PYROXD2: variants seen among roughly 807,000 people sequenced by gnomAD.
PYROXD2 encodes pyridine nucleotide-disulphide oxidoreductase domain 2.
In PYROXD2, 69 loss-of-function variants were observed where a neutral mutation model predicts 71.1. The ratio of observed to expected loss-of-function variants is 0.97; its 90% CI spans 0.80 to 1.19. The LOEUF is 1.19. PYROXD2 is among the 50% of genes most tolerant of loss of function. The probability of loss-of-function intolerance (pLI) is 0.00; values close to 1 mark genes in which losing one functional copy is unlikely to be tolerated. For synonymous variants in PYROXD2, 287 were observed against 302.7 expected, an observed-to-expected ratio of 0.95 and a Z score of 0.54; for missense variants, 745 against 748.9, an observed-to-expected ratio of 0.99 and a Z score of 0.06.
At chr10:98,407,060 T>A (rs1183755998) in intron 4 of PYROXD2, among the ~76,000 whole-genome samples, 1 of 84,446 alleles carries the variant, frequency 1.2e-5, no homozygotes, top group African/African-American at 4.7e-5. Flanking sequence ...TGAAGGAAGG[T>A]GAAAGGGTGG....
Position 98,388,501 on chromosome 10 carries a change from T to TCA in PYROXD2, c.1298_1299dup (p.Ile434Ter). 6.2e-7 allele frequency: 1 copy of TCA among 1,603,894 alleles called. No homozygotes were observed. The highest frequency in any genetic ancestry group is 8.5e-7 in the Non-Finnish European group (1 of 1,175,796). On this transcript the variant is annotated frameshift_variant, in exon 13 of 16. Transcript: ENST00000370575. LOFTEE classifies it high-confidence loss of function. ...AGCGAGGAAGGGATGCAGAGCTCAA[T>TCA]CACAGGCCTGTGCGGGCAGGGAGGA...
chr10:98,405,812 G>A (rs890074963), intron 4 of PYROXD2, among the ~76,000 whole-genome samples: 1 of 152,218 alleles, frequency 6.6e-6, no homozygotes, highest in African/African-American at 2.4e-5. Context: ...TCAAGAACAA[G>A]GAGTAGGAGA....
chr10:98,400,331 G>A, intron 4 of PYROXD2, 74 bp from the exon 5 acceptor site: 2 of 1,442,566 alleles, frequency 1.4e-6, no homozygotes, highest in Non-Finnish European at 1.9e-6. Context: ...CTCCGATTGT[G>A]TTTGTGTGAC....
intron 1 of PYROXD2, chr10:98,414,740 C>G (rs1590988834): frequency 2.3e-6 from 1 of 428,500 alleles, no homozygotes; most frequent in East Asian, 3.9e-5. Context: ...ACCTAGTCTT[C>G]CTGTCATTCT....
rs145679908 is a variant in PYROXD2, at chr10:98,391,050, G to A, written c.1095C>T (p.Ile365=). Residue 365 remains isoleucine, a synonymous_variant, in exon 11 of 16, where the codon ATC becomes ATT. Coordinates refer to ENST00000370575, the MANE Select transcript of PYROXD2 (RefSeq NM_032709.3). ...CAGGCGACCGGGTGTCCAGCTGAGA[G>A]ATTCTCTCCAGGAACTCCTCAGGAA... ...EWLPEEFLER[I]SQLDTRSPVT... 6.1e-5 allele frequency: 99 copies of A among 1,613,254 alleles called. No homozygotes were observed. The highest frequency in any genetic ancestry group is 5.3e-5 in the Non-Finnish European group (63 of 1,179,460).
At chr10:98,405,036 C>T (rs1457167635) in intron 4 of PYROXD2, among the ~76,000 whole-genome samples, 1 of 152,132 alleles carries the variant, frequency 6.6e-6, no homozygotes, top group East Asian at 1.9e-4. Flanking sequence ...GCAGTGAGGT[C>T]AAGGCTGGCC....
chr10:98,387,357 G>T, intron 13 of PYROXD2, 50 bp from the exon 14 acceptor site: 4 of 1,359,624 alleles, frequency 2.9e-6, no homozygotes, highest in Non-Finnish European at 4.2e-6. Flanking sequence ...AGAAGAGGAG[G>T]CACTATGGGT....
intron 4 of PYROXD2, among the ~76,000 whole-genome samples, chr10:98,400,533 T>TGCCAC (rs1296204216): frequency 1.3e-5 from 2 of 151,942 alleles, no homozygotes; most frequent in Non-Finnish European, 2.9e-5. Flanking sequence ...CGCCATGCCA[T>TGCCAC]GCCACATCAT....
At chr10:98,408,316 G>A (rs73333654) in intron 2 of PYROXD2, among the ~76,000 whole-genome samples, 13,784 of 152,178 alleles carry the variant, frequency 0.091, 744 homozygotes, top group African/African-American at 0.14. Context: ...ACCCTGCCCT[G>A]GGATGTCGCT....
intron 2 of PYROXD2, among the ~76,000 whole-genome samples, chr10:98,409,228 C>T (rs112069428): frequency 5.3e-5 from 8 of 151,904 alleles, no homozygotes; most frequent in African/African-American, 1.9e-4. Flanking sequence ...CAGAAAATAC[C>T]GAACACCCCT....
intron 1 of PYROXD2, chr10:98,414,804 C>A (rs3750601): frequency 0.3 from 202,228 of 663,132 alleles, 34,392 homozygotes; most frequent in African/African-American, 0.53. Context: ...GGCCACACAG[C>A]AGAGCCAGCA....
intron 15 of PYROXD2, 83 bp from the exon 16 acceptor site, chr10:98,383,951 G>T: frequency 8.0e-7 from 1 of 1,251,752 alleles, no homozygotes. Context: ...CAGAGATCCA[G>T]CAACAAAGCA....
chr10:98,399,996 G>A, intron 5 of PYROXD2, 106 bp downstream of exon 5: 12 of 1,382,718 alleles, frequency 8.7e-6, no homozygotes, highest in Admixed American at 2.4e-5. Context: ...GGGGTGGCCT[G>A]GCGCAGTGTC....
intron 10 of PYROXD2, 118 bp from the exon 11 acceptor site, chr10:98,391,200 C>CA (rs916898319): frequency 1.4e-6 from 1 of 723,316 alleles, no homozygotes; most frequent in African/African-American, 1.7e-5. Context: ...CTTCATCCTT[C>CA]AAAGCTCAGC....
Position 98,388,489 on chromosome 10 carries a change from T to G in PYROXD2, c.1312A>C (p.Ile438Leu), listed in dbSNP as rs947604650. 1.5e-5 allele frequency: 24 copies of G among 1,609,028 alleles called. No individual in the cohort carries two copies. Among genetic ancestry groups the G allele is most frequent in the Non-Finnish European group, 2.0e-5 (23 of 1,178,252 alleles). ...AGGGTGGGGTCCAGCGAGGAAGGGA[T>G]GCAGAGCTCAATCACAGGCCTGTGC... ...PSHRPVIELC[I>L]PSSLDPTLAP... is the part of the protein sequence containing the mutation. The change falls in exon 13 of 16, where the codon ATC becomes CTC. Residue 438 changes from isoleucine to leucine, a missense_variant. Ile to Leu is a conservative substitution (Grantham distance 5, BLOSUM62 2). Coordinates refer to ENST00000370575, the MANE Select transcript of PYROXD2 (RefSeq NM_032709.3).
At chr10:98,407,129 G>A (rs897661713) in intron 4 of PYROXD2, among the ~76,000 whole-genome samples, 2 of 152,038 alleles carry the variant, frequency 1.3e-5, no homozygotes, top group Non-Finnish European at 2.9e-5. Flanking sequence ...GGCAAACAGC[G>A]CCAGATGAGA....
At chr10:98,393,594 T>C (rs1843030164) in intron 8 of PYROXD2, among the ~76,000 whole-genome samples, 1 of 152,108 alleles carries the variant, frequency 6.6e-6, no homozygotes, top group Admixed American at 6.5e-5. Flanking sequence ...CCAAAGGGCT[T>C]TCAAGGTCAT....
In PYROXD2 at chr10:98,400,196, C is replaced by A; in HGVS notation, c.377G>T (p.Gly126Val). The A allele has an allele frequency of 3.7e-6, 6 of 1,613,254 alleles. No individual in the cohort carries two copies. Among genetic ancestry groups the A allele is most frequent in the Non-Finnish European group, 4.2e-6 (5 of 1,179,610 alleles). The stretch of plus-strand genomic sequence containing the variant: ...GCACCTGGGCACCTTGCTGCCTGCA[C>A]CCTCTTCCAGCATGGGGGTGAAGGA... ...PYSFTPMLEE[G>V]AGSKVPRCLL... The change falls in exon 5 of 16, where the codon GGT becomes GTT. Residue 126 changes from glycine to valine, a missense_variant. By Grantham distance (109) the Gly-to-Val change is moderately radical. Coordinates refer to ENST00000370575, the MANE Select transcript of PYROXD2 (RefSeq NM_032709.3).
chr10:98,407,049 G>T (rs997482540), intron 4 of PYROXD2, among the ~76,000 whole-genome samples: 3 of 150,926 alleles, frequency 2.0e-5, no homozygotes, highest in African/African-American at 7.3e-5. Flanking sequence ...GACAGTGGGG[G>T]TGAAGGAAGG....
Sources: gnomAD v4.1 joint callset for allele counts (sites outside exome capture counted in the v4.1 genomes callset) on GRCh38, gnomAD v4.1.1 for gene constraint, MANE v1.5 for transcripts, NCBI Gene and HGNC (gene_info 2026-07-23, HGNC 2026-07-21) for gene names.